LRP1B: variants seen among roughly 807,000 people sequenced by gnomAD.
LRP1B encodes low-density lipoprotein receptor-related protein 1B.
A neutral mutation model predicts 556.6 loss-of-function variants in LRP1B; 217 were observed. The ratio of observed to expected loss-of-function variants is 0.39; its 90% CI spans 0.35 to 0.44. The LOEUF (loss-of-function observed/expected upper bound fraction) is 0.44. Among genes scored for constraint, LRP1B ranks in the 20% least tolerant of loss-of-function variants. The probability of loss-of-function intolerance (pLI) is 1.00; values close to 1 mark genes in which losing one functional copy is unlikely to be tolerated. For missense variants in LRP1B, 5,053 were observed against 5,620.8 expected (o/e 0.90, Z 3.23); for synonymous variants, 2,047 against 1,865.8 (o/e 1.10, Z -2.50).
At chr2:140,577,857 C>G (rs534245521) in intron 43 of LRP1B, among the ~76,000 whole-genome samples, 38 of 152,206 alleles carry the variant, frequency 2.5e-4, no homozygotes, top group African/African-American at 8.7e-4. Context: ...AATAAGGATG[C>G]AGTTGAATCT....
chr2:142,023,318 A>G (rs970129070), intron 1 of LRP1B, among the ~76,000 whole-genome samples: 1 of 152,052 alleles, frequency 6.6e-6, no homozygotes, highest in Non-Finnish European at 1.5e-5. Context: ...ATATTTTCTC[A>G]TTTATTGGTA....
In LRP1B at chr2:140,841,110, G is replaced by A; in HGVS notation, c.4940-18C>T. 6.4e-7 allele frequency: 1 copy of A among 1,565,230 alleles called. No homozygotes were observed. On this transcript the variant is annotated intron_variant, in intron 29 of 90. Coordinates refer to ENST00000389484, the MANE Select transcript of LRP1B (RefSeq NM_018557.3). The stretch of plus-strand genomic sequence containing the variant: ...CTGAATATCTATAAAACAGGAAAGA[G>A]AAGATTTAAAGGTGAATGAAGTTTT...
At chr2:140,566,498 A>T (rs1681131406) in intron 43 of LRP1B, among the ~76,000 whole-genome samples, 1 of 152,074 alleles carries the variant, frequency 6.6e-6, no homozygotes, top group South Asian at 2.1e-4. Flanking sequence ...GGAGTTGAGC[A>T]CTGCCTCCGG....
rs191834316 is a variant in LRP1B at position 140,658,983 on chromosome 2, A to C, written c.6799+41267T>G. On this transcript the variant is annotated intron_variant, in intron 41 of 90. Transcript: ENST00000389484. ...ATAATGGGCTATGTATGAGTTGTAA[A>C]TCTGTTTTCAGTGAACTGGAAACAT... 5.7e-4 allele frequency among the ~76,000 whole-genome samples: 87 copies of C among 151,854 alleles called. 1 individual carries two copies. Among genetic ancestry groups the C allele is most frequent in the African/African-American group, 1.9e-3 (78 of 41,476 alleles).
chr2:141,153,403 ATT>A (rs1305806149), intron 7 of LRP1B, among the ~76,000 whole-genome samples: 28 of 115,376 alleles, frequency 2.4e-4, no homozygotes, highest in East Asian at 4.3e-4. Context: ...ATTTATATAT[ATT>A]ATATATTAGC....
At chr2:141,740,699 T>C (rs1693664263) in intron 2 of LRP1B, among the ~76,000 whole-genome samples, 1 of 152,174 alleles carries the variant, frequency 6.6e-6, no homozygotes, top group Admixed American at 6.5e-5. Flanking sequence ...TTTCTAGCAA[T>C]TGCTAAGTGA....
intron 2 of LRP1B, among the ~76,000 whole-genome samples, chr2:141,617,343 T>C (rs532639801): frequency 1.3e-5 from 2 of 152,304 alleles, no homozygotes; most frequent in Admixed American, 6.5e-5. Context: ...GTCAAAGTGT[T>C]ATGGAAAATA....
chr2:140,970,714 C>CTT (rs571691521), intron 18 of LRP1B, among the ~76,000 whole-genome samples: 9 of 12,256 alleles, frequency 7.3e-4, no homozygotes, highest in African/African-American at 2.1e-3. Flanking sequence ...ATTTTTTAAC[C>CTT]TTTTTTTTTT....
chr2:141,376,578 T>A (rs1200860187), intron 3 of LRP1B, among the ~76,000 whole-genome samples: 1 of 152,224 alleles, frequency 6.6e-6, no homozygotes, highest in Non-Finnish European at 1.5e-5. Flanking sequence ...TGATCTGATC[T>A]CTTGCAATCT....
intron 2 of LRP1B, among the ~76,000 whole-genome samples, chr2:141,809,845 T>A (rs111353063): frequency 0.01 from 1,544 of 152,116 alleles, 30 homozygotes; most frequent in African/African-American, 0.035. Flanking sequence ...TCTTCAATAT[T>A]CCTTCTGTCT....
intron 2 of LRP1B, among the ~76,000 whole-genome samples, chr2:141,661,199 G>A (rs914721955): frequency 1.3e-5 from 2 of 152,164 alleles, no homozygotes; most frequent in African/African-American, 4.8e-5. Flanking sequence ...ATCGAAGCTA[G>A]ATAAACTCAA....
intron 32 of LRP1B, among the ~76,000 whole-genome samples, chr2:140,787,189 G>A (rs962350748): frequency 3.3e-5 from 5 of 152,050 alleles, no homozygotes; most frequent in East Asian, 1.9e-4. Flanking sequence ...ATCCTTGCTC[G>A]CCTCCTATTT....
At chr2:141,416,639 G>C (rs1043009708) in intron 3 of LRP1B, among the ~76,000 whole-genome samples, 2 of 151,860 alleles carry the variant, frequency 1.3e-5, no homozygotes, top group Non-Finnish European at 2.9e-5. Context: ...TATTTTTAGA[G>C]AGATGGGTTT....
chr2:140,323,708 A>G (rs904042684), intron 81 of LRP1B, among the ~76,000 whole-genome samples, 185 bp downstream of exon 81: 4 of 152,046 alleles, frequency 2.6e-5, no homozygotes, highest in African/African-American at 7.2e-5. Flanking sequence ...TTTCCCAATT[A>G]CAGCAGAAAT....
intron 77 of LRP1B, among the ~76,000 whole-genome samples, chr2:140,338,309 T>A (rs1035397346): frequency 6.6e-6 from 1 of 151,726 alleles, no homozygotes; most frequent in African/African-American, 2.4e-5. Context: ...GTGGAGATGT[T>A]ACCAGGTGTT....
chr2:140,707,383 C>T (rs1250292433), intron 37 of LRP1B, among the ~76,000 whole-genome samples: 1 of 151,964 alleles, frequency 6.6e-6, no homozygotes, highest in Non-Finnish European at 1.5e-5. Context: ...AGTGAGTTAC[C>T]CTATCTGCAA....
Position 140,908,052 on chromosome 2 carries a change from C to T in LRP1B, c.3345G>A (p.Val1115=), listed in dbSNP as rs1287187293. 1.2e-6 allele frequency: 2 copies of T among 1,613,268 alleles called. No homozygotes were observed. Among genetic ancestry groups the T allele is most frequent in the Non-Finnish European group, 1.7e-6 (2 of 1,179,528 alleles). Residue 1115 remains valine, a synonymous_variant, in exon 22 of 91, where the codon GTG becomes GTA. Transcript: ENST00000389484. ...CTTCGCAATCAATATCTCCATCACA[C>T]ACCCATGCTTTGTTGATGCATCTCC... ...STGRCINKAW[V]CDGDIDCEDQ... is the part of the protein sequence containing the mutation.
At chr2:140,371,625 C>A (rs532441172) in intron 69 of LRP1B, among the ~76,000 whole-genome samples, 1 of 148,426 alleles carries the variant, frequency 6.7e-6, no homozygotes, top group East Asian at 2.0e-4. Context: ...TTTTTTTTTA[C>A]AATTTTAAAT....
intron 83 of LRP1B, among the ~76,000 whole-genome samples, chr2:140,307,165 TAGAG>T (rs1298284530): frequency 2.6e-5 from 4 of 152,036 alleles, no homozygotes; most frequent in Non-Finnish European, 5.9e-5. Context: ...TTTTTGGTAT[TAGAG>T]AGAACTTGGA....
Sources: allele counts gnomAD v4.1 joint callset (sites outside exome capture counted in the v4.1 genomes callset), GRCh38; gene constraint gnomAD v4.1.1; transcripts MANE v1.5; gene names NCBI Gene and HGNC (gene_info 2026-07-23, HGNC 2026-07-21).